The following CCDC91 variants were observed in gnomAD, a reference collection of about 807,000 sequenced individuals.
CCDC91 encodes coiled-coil domain-containing protein 91.
A neutral mutation model predicts 63.2 loss-of-function variants in CCDC91; 48 were observed. That is an observed-to-expected ratio of 0.76 (90% CI 0.60 to 0.97). CCDC91 has a LOEUF of 0.97. CCDC91 is among the 50% of genes least tolerant of loss of function. The probability of loss-of-function intolerance (pLI) is 0.00; values close to 1 mark genes in which losing one functional copy is unlikely to be tolerated. For synonymous variants in CCDC91, 167 were observed against 165.8 expected, an observed-to-expected ratio of 1.01 and a Z score of -0.06; for missense variants, 500 against 494.6, an observed-to-expected ratio of 1.01 and a Z score of -0.10.
At chr12:28,343,571 G>A (rs1447659855) in intron 6 of CCDC91, among the ~76,000 whole-genome samples, 1 of 151,988 alleles carries the variant, frequency 6.6e-6, no homozygotes, top group Non-Finnish European at 1.5e-5. Context: ...TTAGGGAAAA[G>A]GTGTCTCCAA....
intron 6 of CCDC91, among the ~76,000 whole-genome samples, chr12:28,357,559 T>G (rs1185741906): frequency 6.6e-6 from 1 of 151,622 alleles, no homozygotes; most frequent in Non-Finnish European, 1.5e-5. Flanking sequence ...ACATACCTGT[T>G]GATGAGGGAA....
intron 7 of CCDC91, among the ~76,000 whole-genome samples, chr12:28,366,119 T>C (rs1276471926): frequency 2.0e-5 from 3 of 152,108 alleles, no homozygotes; most frequent in Non-Finnish European, 4.4e-5. Flanking sequence ...TATGAAGACA[T>C]GACTTTTTAT....
At chr12:28,432,801 C>T (rs1358335778) in intron 8 of CCDC91, among the ~76,000 whole-genome samples, 1 of 152,084 alleles carries the variant, frequency 6.6e-6, no homozygotes, top group Admixed American at 6.6e-5. Context: ...CTGTTAAACT[C>T]TCTTCCAAAG....
intron 1 of CCDC91, among the ~76,000 whole-genome samples, chr12:28,199,378 G>A (rs10843129): frequency 0.26 from 39,554 of 151,624 alleles, 5,385 homozygotes; most frequent in Non-Finnish European, 0.31. Flanking sequence ...CTATTATTGT[G>A]TAAGTTACAT....
At chr12:28,353,753 G>T (rs532659876) in intron 6 of CCDC91, among the ~76,000 whole-genome samples, 1 of 152,234 alleles carries the variant, frequency 6.6e-6, no homozygotes, top group East Asian at 1.9e-4. Context: ...ACAGATCACT[G>T]TAATAGATGA....
rs538238561 is a variant in CCDC91 at position 28,274,951 on chromosome 12, G to A, written c.109+15509G>A. Among the ~76,000 whole-genome samples the A allele has an allele frequency of 3.3e-5, 5 of 152,040 alleles. No homozygotes were observed. The South Asian group carries it at 8.3e-4, about 25-fold the overall frequency. On this transcript the variant is annotated intron_variant, in intron 3 of 12. Coordinates refer to ENST00000536442, the MANE Select transcript of CCDC91 (RefSeq NM_018318.5). ...ACAAAGACACAACATACCAGAATCT[G>A]TGGGACACATTCAAAGCAGTGTGTA...
Position 28,295,351 on chromosome 12 carries a change from AT to A in CCDC91, c.110-10295del, listed in dbSNP as rs1295050656. Reference sequence around the variant, plus strand: ...AAAATCATGTTTTTATATTTAAAATATTTCCAAGAAATGTCAAAATGAAAAT... The same window carrying A: ...AAAATCATGTTTTTATATTTAAAATATTCCAAGAAATGTCAAAATGAAAAT... On this transcript the variant is annotated intron_variant, in intron 3 of 12. Coordinates refer to ENST00000536442, the MANE Select transcript of CCDC91 (RefSeq NM_018318.5). 3.9e-5 allele frequency among the ~76,000 whole-genome samples: 6 copies of A among 152,038 alleles called. No homozygotes were observed. In the South Asian group the frequency reaches 1.0e-3, roughly 26 times the overall value.
At chr12:28,466,822 G>T (rs1034836564) in intron 11 of CCDC91, among the ~76,000 whole-genome samples, 1 of 152,040 alleles carries the variant, frequency 6.6e-6, no homozygotes, top group Admixed American at 6.6e-5. Flanking sequence ...ACAGAGTATT[G>T]TAACACTGTA....
intron 8 of CCDC91, among the ~76,000 whole-genome samples, chr12:28,407,944 A>G (rs544565594): frequency 0.019 from 618 of 33,030 alleles, 4 homozygotes; most frequent in African/African-American, 0.025. Flanking sequence ...ATATACATAG[A>G]TATATACATA....
chr12:28,340,553 G>A (rs1366990160), intron 6 of CCDC91, among the ~76,000 whole-genome samples: 1 of 152,148 alleles, frequency 6.6e-6, no homozygotes, highest in Non-Finnish European at 1.5e-5. Context: ...GCCAGAAATG[G>A]CTGTTTGAGT....
intron 12 of CCDC91, among the ~76,000 whole-genome samples, chr12:28,501,405 T>C (rs1937840705): frequency 6.6e-6 from 1 of 151,964 alleles, no homozygotes; most frequent in African/African-American, 2.4e-5. Context: ...TATTGAGAGT[T>C]TTTAGCATGA....
chr12:28,357,157 G>C (rs1021751216), intron 6 of CCDC91, among the ~76,000 whole-genome samples: 1 of 152,092 alleles, frequency 6.6e-6, no homozygotes, highest in African/African-American at 2.4e-5. Flanking sequence ...CAAAATTTTT[G>C]TTAATATTTC....
At chr12:28,201,302 C>CT (rs1425139787) in intron 1 of CCDC91, among the ~76,000 whole-genome samples, 7 of 151,112 alleles carry the variant, frequency 4.6e-5, no homozygotes, top group African/African-American at 1.7e-4. Context: ...GGTCTCCTCA[C>CT]TTCTCAGACG....
chr12:28,292,623 G>GT (rs562298730), intron 3 of CCDC91, among the ~76,000 whole-genome samples: 8,199 of 147,102 alleles, frequency 0.056, 255 homozygotes, highest in South Asian at 0.13. Context: ...TGATGACTAA[G>GT]TTTTTTTTTT....
At chr12:28,355,279 A>T (rs1479842681) in intron 6 of CCDC91, among the ~76,000 whole-genome samples, 1 of 152,134 alleles carries the variant, frequency 6.6e-6, no homozygotes. Flanking sequence ...AGCACTTGAT[A>T]AGGTGACATT....
At chr12:28,366,829 C>G (rs1944306627) in intron 7 of CCDC91, among the ~76,000 whole-genome samples, 1 of 152,116 alleles carries the variant, frequency 6.6e-6, no homozygotes. Flanking sequence ...CCTTACTCCT[C>G]ACAGCCGGAC....
intron 1 of CCDC91, among the ~76,000 whole-genome samples, chr12:28,203,977 A>G (rs183061758): frequency 2.0e-5 from 3 of 152,186 alleles, no homozygotes; most frequent in Non-Finnish European, 4.4e-5. Context: ...GTTAAAAAAA[A>G]CAACCAGAAG....
chr12:28,511,073 C>G (rs1227510808), intron 12 of CCDC91, among the ~76,000 whole-genome samples: 1 of 151,884 alleles, frequency 6.6e-6, no homozygotes, highest in African/African-American at 2.4e-5. Flanking sequence ...CATCAGCTTA[C>G]CACCTTTCTT....
At chr12:28,461,390 A>G (rs770735977) in intron 11 of CCDC91, among the ~76,000 whole-genome samples, 1 of 152,086 alleles carries the variant, frequency 6.6e-6, no homozygotes, top group African/African-American at 2.4e-5. Context: ...TTATAGGTGC[A>G]GGGCAAATTC....
Sources: allele counts gnomAD v4.1 joint callset (sites outside exome capture counted in the v4.1 genomes callset), GRCh38; gene constraint gnomAD v4.1.1; transcripts MANE v1.5; gene names NCBI Gene and HGNC (gene_info 2026-07-23, HGNC 2026-07-21).